Variants in UPF2 observed in about 807,000 individuals in gnomAD.
UPF2 encodes the protein UPF2 regulator of nonsense mediated mRNA decay, also known as regulator of nonsense transcripts 2.
In UPF2, 17 loss-of-function variants were observed where a neutral mutation model predicts 141.4. That is an observed-to-expected ratio of 0.12 (90% confidence interval 0.08 to 0.18). UPF2 has a LOEUF of 0.18. Ranked by LOEUF, UPF2 falls within the 10% of genes least tolerant of loss-of-function variation. The probability of loss-of-function intolerance (pLI) is 1.00; values close to 1 mark genes in which losing one functional copy is unlikely to be tolerated. For synonymous variants in UPF2, 540 were observed against 498.0 expected (o/e 1.08, Z -1.12); for missense variants, 1,152 against 1,515.9 (o/e 0.76, Z 3.99).
chr10:11,951,154 C>T (rs938187800), intron 15 of UPF2, among the ~76,000 whole-genome samples: 9 of 152,132 alleles, frequency 5.9e-5, no homozygotes, highest in African/African-American at 2.2e-4. Flanking sequence ...CCTCCGTCTC[C>T]CGGGTTCAAG....
intron 1 of UPF2, 200 bp from the exon 2 acceptor site, chr10:12,035,641 T>C: frequency 4.1e-6 from 2 of 491,048 alleles, no homozygotes; most frequent in Non-Finnish European, 6.5e-6. Flanking sequence ...GTTAGGCCTA[T>C]GTCTAAGTAC....
chr10:11,941,331 C>T (rs1832933197), intron 18 of UPF2, among the ~76,000 whole-genome samples: 1 of 152,180 alleles, frequency 6.6e-6, no homozygotes, highest in Non-Finnish European at 1.5e-5. Context: ...ATTGCTTGCG[C>T]TCCTAAATAA....
intron 21 of UPF2, among the ~76,000 whole-genome samples, chr10:11,924,438 A>AGTG (rs374389772): frequency 6.6e-6 from 1 of 152,214 alleles, no homozygotes; most frequent in African/African-American, 2.4e-5. Flanking sequence ...ATTAGTCAAG[A>AGTG]GTGGTGGACT....
In UPF2 at chr10:11,980,539, C is replaced by T. The variant is rs1588550248; in HGVS notation, c.1845-1374G>A. 7.5e-6 allele frequency among the ~76,000 whole-genome samples: 1 copy of T among 133,242 alleles called. No individual in the cohort carries two copies. Among genetic ancestry groups the T allele is most frequent in the Non-Finnish European group, 1.7e-5 (1 of 60,202 alleles). 87.4% of individuals were successfully genotyped at this position (133,242 alleles called of 152,430 possible). ...GGCAGGCAGATCACCTGGAGACCAG[C>T]CTGGCCAATATGGTGAAACCCCATC... On this transcript the variant is annotated intron_variant, in intron 8 of 21. Coordinates refer to ENST00000357604, the MANE Select transcript of UPF2 (RefSeq NM_015542.4). This position sits in a 1 kb window ranked among gnomAD's most constrained non-coding sequence, Gnocchi z 4.2.
Position 11,967,437 on chromosome 10 carries a change from C to T in UPF2, c.1971G>A (p.Gln657=). 6.4e-7 allele frequency: 1 copy of T among 1,571,518 alleles called. No individual in the cohort carries two copies. The highest frequency in any genetic ancestry group is 8.6e-7 in the Non-Finnish European group (1 of 1,165,284). ...TTTTATTCTTTGTTTCAATATTGAT[C>T]TGGTCCTTTTTCCGTACCTAAAAAT... ...DFRFHVRKKD[Q]INIETKNKTV... The change falls in exon 10 of 22, where the codon CAG becomes CAA. Residue 657 remains glutamine (Q), a synonymous_variant. Transcript: ENST00000357604.
chr10:12,015,975 ATT>A (rs1338254139), intron 3 of UPF2, among the ~76,000 whole-genome samples: 2 of 152,180 alleles, frequency 1.3e-5, no homozygotes, highest in African/African-American at 2.4e-5. Flanking sequence ...CTCTAAAAAT[ATT>A]GTCATTAGAG....
In UPF2 at chr10:12,004,568, C is replaced by T; in HGVS notation, c.1466G>A (p.Ser489Asn). 3.1e-6 allele frequency: 5 copies of T among 1,613,350 alleles called. No individual in the cohort carries two copies. Among genetic ancestry groups the T allele is most frequent in the Non-Finnish European group, 3.4e-6 (4 of 1,179,728 alleles). Reference protein sequence around the residue: ...PAILFKDNEKSCQNKESNKDD... With the variant: ...PAILFKDNEKNCQNKESNKDD... ...TTTGTTGGACTCTTTATTCTGACAA[C>T]TTTTTTCATTGTCTTTAAACAAGAT... Residue 489 changes from serine (S) to asparagine (N), a missense_variant, in exon 5 of 22, where the codon AGT becomes AAT. Ser to Asn is a conservative substitution (Grantham distance 46). Around this residue, in one of 4 missense-constraint regions of UPF2, gnomAD observed 739 missense variants for 1,032.2 expected, o/e 0.72. Transcript: ENST00000357604.
At chr10:11,937,304 A>G (rs892320024) in intron 18 of UPF2, among the ~76,000 whole-genome samples, 4 of 152,226 alleles carry the variant, frequency 2.6e-5, no homozygotes, top group African/African-American at 4.8e-5. Context: ...GCTTGGAGAT[A>G]GTAATGTTAA....
chr10:12,021,458 GC>G (rs1192450155), intron 3 of UPF2, among the ~76,000 whole-genome samples: 7 of 152,064 alleles, frequency 4.6e-5, no homozygotes, highest in Non-Finnish European at 1.0e-4. Context: ...AGATAGCGAG[GC>G]TGCAGTGAGC....
At chr10:11,974,015 G>C (rs1833463470) in intron 9 of UPF2, among the ~76,000 whole-genome samples, 1 of 152,188 alleles carries the variant, frequency 6.6e-6, no homozygotes, top group African/African-American at 2.4e-5. Flanking sequence ...TCCTATCCGT[G>C]AGCATGGAAT....
chr10:12,010,861 G>C (rs1462585643), intron 4 of UPF2, among the ~76,000 whole-genome samples: 1 of 151,494 alleles, frequency 6.6e-6, no homozygotes, highest in Non-Finnish European at 1.5e-5. Context: ...ATATAAATAA[G>C]AACAAAGGTC....
intron 9 of UPF2, among the ~76,000 whole-genome samples, chr10:11,974,453 G>T (rs1833472116): frequency 6.6e-6 from 1 of 152,130 alleles, no homozygotes; most frequent in South Asian, 2.1e-4. Flanking sequence ...CCTGTCTTGT[G>T]CCAGTTTTCA....
At position 11,998,353 on chromosome 10, in the gene UPF2, CA is replaced by C. The variant is rs2131261790; in HGVS notation, c.1759-597del. On this transcript the variant is annotated intron_variant, in intron 7 of 21. Transcript: ENST00000357604. The surrounding 1 kb of genome is among the most constrained non-coding windows in gnomAD (Gnocchi z 4.5). ...ATCCCCTGTCTAAAATTTCATAAAA[CA>C]GGGAATTTATCTAGATGACCATTAC... Among the ~76,000 whole-genome samples the C allele has an allele frequency of 6.6e-6, 1 of 152,132 alleles. No homozygotes were observed. Among genetic ancestry groups the C allele is most frequent in the Non-Finnish European group, 1.5e-5 (1 of 67,994 alleles).
chr10:11,946,903 G>GA (rs1471577608), intron 16 of UPF2, among the ~76,000 whole-genome samples: 1 of 152,172 alleles, frequency 6.6e-6, no homozygotes, highest in African/African-American at 2.4e-5. Context: ...GAGTTTGGAA[G>GA]AAAAAACTGA....
rs1190196644 is a variant in UPF2 at position 11,959,238 on chromosome 10, C to T, written c.2303G>A (p.Arg768His). Residue 768 changes from arginine (R) to histidine (H), a missense_variant, in exon 12 of 22, where the codon CGT (arginine) becomes CAT (histidine). Physicochemically the swap from Arg to His is conservative, Grantham distance 29. This residue lies in a region of UPF2 where 739 missense variants were observed against 1,032.2 expected (regional missense o/e 0.72). Transcript: ENST00000357604. This position sits in a 1 kb window ranked among gnomAD's most constrained non-coding sequence, Gnocchi z 5.9. ...CCGGACATATTCCTGGAGAGGAGGA[C>T]GTTTCTTTTTCACGGTTTTTTCAGC... ...PPAEKTVKKK[R>H]PPLQEYVRKL... 9 of 1,613,376 alleles carry T rather than the reference C, an allele frequency of 5.6e-6. No homozygotes were observed. The highest frequency in any genetic ancestry group is 4.5e-5 in the East Asian group (2 of 44,850).
At chr10:11,944,686 CT>C (rs1282406775) in intron 16 of UPF2, among the ~76,000 whole-genome samples, 3 of 152,168 alleles carry the variant, frequency 2.0e-5, no homozygotes, top group African/African-American at 7.2e-5. Context: ...AATACATTAA[CT>C]TTTCCCCTCT....
In UPF2 at chr10:11,979,462, C is replaced by T. The variant is rs1026860105; in HGVS notation, c.1845-297G>A. Among the ~76,000 whole-genome samples, 2 of 152,150 alleles carry T rather than the reference C, an allele frequency of 1.3e-5. No homozygotes were observed. The highest frequency in any genetic ancestry group is 6.6e-5 in the Admixed American group (1 of 15,264). ...CACAAAAAAACAGTATGTTTTGACA[C>T]GACTTAAATTTTTAATCACATAATT... is the stretch of plus-strand genomic sequence containing the variant. On this transcript the variant is annotated intron_variant, in intron 8 of 21. Transcript: ENST00000357604. The surrounding 1 kb of genome is among the most constrained non-coding windows in gnomAD (Gnocchi z 6.2).
chr10:12,012,536 T>C (rs1004430272), intron 4 of UPF2, among the ~76,000 whole-genome samples: 5 of 151,984 alleles, frequency 3.3e-5, no homozygotes, highest in South Asian at 2.1e-4. Flanking sequence ...TCTCAGCACA[T>C]TGGGAGGCCG....
chr10:11,999,375 T>C (rs964525916), intron 7 of UPF2, among the ~76,000 whole-genome samples: 12 of 151,652 alleles, frequency 7.9e-5, no homozygotes, highest in Non-Finnish European at 1.6e-4. Flanking sequence ...TTAGCCGGCA[T>C]GATGGCGCGT....
Sources: allele counts gnomAD v4.1 joint callset (sites outside exome capture counted in the v4.1 genomes callset), GRCh38; gene constraint gnomAD v4.1.1; regional missense constraint gnomAD v4.1.1; non-coding constraint Gnocchi (gnomAD v3.1); transcripts MANE v1.5; gene names NCBI Gene and HGNC (gene_info 2026-07-23, HGNC 2026-07-21).